PTPRB: variants seen among roughly 807,000 people sequenced by gnomAD.
PTPRB encodes the protein receptor-type tyrosine-protein phosphatase beta.
A neutral mutation model predicts 238.1 loss-of-function variants in PTPRB; 97 were observed. That is an observed-to-expected ratio of 0.41 (90% CI 0.35 to 0.48). The LOEUF is 0.48. Ranked by LOEUF, PTPRB falls within the 20% of genes least tolerant of loss-of-function variation. The pLI, the probability that PTPRB is intolerant of heterozygous loss-of-function variation, is 0.30. For synonymous variants in PTPRB, 970 were observed against 995.4 expected, an observed-to-expected ratio of 0.97 and a Z score of 0.48; for missense variants, 2,292 against 2,681.9, an observed-to-expected ratio of 0.85 and a Z score of 3.21.
chr12:70,560,727 C>T lies in PTPRB; in HGVS notation c.4376G>A (p.Trp1459Ter). 1.2e-6 allele frequency: 2 copies of T among 1,613,960 alleles called. No individual in the cohort carries two copies. The highest frequency in any genetic ancestry group is 1.7e-6 in the Non-Finnish European group (2 of 1,179,894). ...GAGATCTCCACTGTGAGTTACCACC[C>T]ACAGCACGTACTTCCTTCCAGGAAC... is the stretch of plus-strand genomic sequence containing the variant. ...GLVPGRKYVL[W>*]VVTHSGDLSN... Residue 1459 changes from tryptophan (W) to a stop codon, truncating the protein, a stop_gained, in exon 17 of 34, where the codon TGG becomes TAG. Transcript: ENST00000334414. LOFTEE classifies it high-confidence loss of function. The surrounding 1 kb of genome is among the most constrained non-coding windows in gnomAD (Gnocchi z 4.2).
intron 3 of PTPRB, among the ~76,000 whole-genome samples, chr12:70,616,889 G>A (rs1329221391): frequency 1.3e-5 from 2 of 152,150 alleles, no homozygotes; most frequent in Admixed American, 6.5e-5. Flanking sequence ...GGGGTGGATT[G>A]ACTCCAGGAC....
At chr12:70,582,849 A>G (rs920777851) in intron 9 of PTPRB, among the ~76,000 whole-genome samples, 2 of 151,954 alleles carry the variant, frequency 1.3e-5, no homozygotes, top group African/African-American at 4.8e-5. Flanking sequence ...CCAAGGACAA[A>G]CAAACAATCC....
chr12:70,563,446 T>A (rs866964737), intron 15 of PTPRB, among the ~76,000 whole-genome samples: 9 of 152,270 alleles, frequency 5.9e-5, no homozygotes, highest in Middle Eastern at 3.4e-3. Flanking sequence ...GAGTTCTCTT[T>A]CCTCCACCCC....
chr12:70,601,367 T>C (rs1402809281), intron 4 of PTPRB, among the ~76,000 whole-genome samples: 1 of 152,172 alleles, frequency 6.6e-6, no homozygotes, highest in East Asian at 1.9e-4. Context: ...GCCCCATCTG[T>C]CATCTTCATT....
At position 70,596,118 on chromosome 12, in the gene PTPRB, A is replaced by G. The variant is rs1471937994; in HGVS notation, c.1189T>C (p.Tyr397His). The G allele has an allele frequency of 6.2e-7, 1 of 1,613,498 alleles. No individual in the cohort carries two copies. The highest frequency in any genetic ancestry group is 8.5e-7 in the Non-Finnish European group (1 of 1,179,522). The change falls in exon 5 of 34, where the codon TAC becomes CAC. Residue 397 changes from tyrosine to histidine, a missense_variant. Physicochemically the swap from Tyr to His is moderately conservative, Grantham distance 83. Around this residue, in one of 4 missense-constraint regions of PTPRB, gnomAD observed 1,205 missense variants for 1,287.8 expected, o/e 0.94. Coordinates refer to ENST00000334414, the MANE Select transcript of PTPRB (RefSeq NM_001109754.4). ...GAAACAGCTGTGATGGCAATATTGTATTTACTACCAGCAGTGAGATTGAAA... is the reference window on the plus strand; with the variant it reads ...GAAACAGCTGTGATGGCAATATTGTGTTTACTACCAGCAGTGAGATTGAAA... ...TFFNLTAGSKYNIAITAVSGG... is the reference protein window; with the variant it reads ...TFFNLTAGSKHNIAITAVSGG...
Position 70,594,688 on chromosome 12 carries a change from T to C in PTPRB, c.1295A>G (p.Lys432Arg). ...CCAGGAAATCAGGAGAGAATTGGCTTTTGTGGAAATACCAATATCTTTCAC... is the reference window on the plus strand; with the variant it reads ...CCAGGAAATCAGGAGAGAATTGGCTCTTGTGGAAATACCAATATCTTTCAC... The part of the protein sequence containing the change: ...SPVKDIGIST[K>R]ANSLLISWSH... The change falls in exon 6 of 34, where the codon AAA becomes AGA. Residue 432 changes from lysine to arginine, a missense_variant. Around this residue, in one of 4 missense-constraint regions of PTPRB, gnomAD observed 1,205 missense variants for 1,287.8 expected, o/e 0.94. Coordinates refer to ENST00000334414, the MANE Select transcript of PTPRB (RefSeq NM_001109754.4). The C allele has an allele frequency of 6.2e-7, 1 of 1,613,998 alleles. No individual in the cohort carries two copies. Among genetic ancestry groups the C allele is most frequent in the East Asian group, 2.2e-5 (1 of 44,886 alleles).
intron 4 of PTPRB, among the ~76,000 whole-genome samples, chr12:70,598,706 C>T (rs1178414951): frequency 6.6e-6 from 1 of 152,164 alleles, no homozygotes; most frequent in Non-Finnish European, 1.5e-5. Flanking sequence ...AGAGGGACAG[C>T]TGCTTCCAGT....
In PTPRB at chr12:70,609,618, G is replaced by T. The variant is rs373219385; in HGVS notation, c.709-279C>A. 8.3e-4 allele frequency: 776 copies of T among 929,572 alleles called. 14 individuals are homozygous for T. In the South Asian group the frequency reaches 0.011, roughly 14 times the overall value. The allele number at this position is 929,572 out of a possible 1,614,324, so 57.6% of individuals were successfully genotyped here. On this transcript the variant is annotated intron_variant, in intron 3 of 33. Transcript: ENST00000334414. Reference sequence around the variant, plus strand: ...ATTCTGGGTTGGGGGGCTCACCAGAGGATCATTCTTCCCAAGGCAGAAGAA... The same window carrying T: ...ATTCTGGGTTGGGGGGCTCACCAGATGATCATTCTTCCCAAGGCAGAAGAA...
intron 26 of PTPRB, 159 bp downstream of exon 26, chr12:70,539,466 A>T: frequency 1.6e-6 from 1 of 638,018 alleles, no homozygotes; most frequent in East Asian, 2.7e-5. Context: ...GGTATATTCT[A>T]TTCAGGGCAT....
chr12:70,524,289 G>GT (rs1303550998), intron 33 of PTPRB, among the ~76,000 whole-genome samples, 182 bp downstream of exon 33: 1 of 146,678 alleles, frequency 6.8e-6, no homozygotes, highest in Non-Finnish European at 1.5e-5. Context: ...TTTTTTTTTA[G>GT]TTTTTTGTAG....
chr12:70,524,031 G>A (rs886192407), intron 33 of PTPRB, among the ~76,000 whole-genome samples: 20 of 151,874 alleles, frequency 1.3e-4, no homozygotes, highest in African/African-American at 4.6e-4. Context: ...GGCTGGTCTC[G>A]AGGTGATCTG....
At position 70,560,737 on chromosome 12, in the gene PTPRB, ACTTC is replaced by A; in HGVS notation, c.4362_4365del (p.Arg1454SerfsTer7). On this transcript the variant is annotated frameshift_variant, in exon 17 of 34. Transcript: ENST00000334414. LOFTEE classifies it high-confidence loss of function. This position sits in a 1 kb window ranked among gnomAD's most constrained non-coding sequence, Gnocchi z 4.2. ...CTGTGAGTTACCACCCACAGCACGT[ACTTC>A]CTTCCAGGAACAAGGCCTTGAAACC... 6.2e-7 allele frequency: 1 copy of A among 1,613,884 alleles called. No homozygotes were observed. The highest frequency in any genetic ancestry group is 8.5e-7 in the Non-Finnish European group (1 of 1,179,862).
chr12:70,636,091 C>T (rs1370210256), intron 1 of PTPRB, 25 bp from the exon 2 acceptor site: 4 of 1,552,598 alleles, frequency 2.6e-6, no homozygotes, highest in Non-Finnish European at 3.5e-6. Flanking sequence ...GCTCATAAAG[C>T]ACTATGTAGC....
At chr12:70,550,686 G>C (rs768600191) in intron 21 of PTPRB, among the ~76,000 whole-genome samples, 1 of 152,078 alleles carries the variant, frequency 6.6e-6, no homozygotes, top group Non-Finnish European at 1.5e-5. Context: ...AGATTGGTGG[G>C]CTCTGGTCCA....
chr12:70,516,524 G>T lies in PTPRB; in HGVS notation c.*4965C>A, dbSNP rs1348388780. The T allele has an allele frequency of 2.0e-5, 3 of 152,178 alleles. No homozygotes were observed. The highest frequency in any genetic ancestry group is 4.4e-5 in the Non-Finnish European group (3 of 68,018). The allele number at this position is 152,178 out of a possible 1,614,324, so 9.4% of individuals were successfully genotyped here. ...CCTACTAACCTGCAGATGGAATGCT[G>T]TCCAACTCTGCCACAAACTCTTAAA... On this transcript the variant is annotated 3_prime_UTR_variant, in exon 34 of 34. Coordinates refer to ENST00000334414, the MANE Select transcript of PTPRB (RefSeq NM_001109754.4).
At position 70,534,815 on chromosome 12, in the gene PTPRB, T is replaced by TCAAG; in HGVS notation, c.6204+14_6204+17dup. ...CATCTCCCCAAGCTCGGTTGTTAAG[T>TCAAG]CAAGCAAGCTAACATACACCGCATA... On this transcript the variant is annotated intron_variant, in intron 30 of 33. Transcript: ENST00000334414. 1 of 1,610,028 alleles carries TCAAG rather than the reference T, an allele frequency of 6.2e-7. No individual in the cohort carries two copies. Among genetic ancestry groups the TCAAG allele is most frequent in the Non-Finnish European group, 8.5e-7 (1 of 1,179,044 alleles).
Position 70,555,277 on chromosome 12 carries a change from T to G in PTPRB, c.5026A>C (p.Asn1676His). 6.2e-7 allele frequency: 1 copy of G among 1,613,176 alleles called. No individual in the cohort carries two copies. Among genetic ancestry groups the G allele is most frequent in the Non-Finnish European group, 8.5e-7 (1 of 1,179,712 alleles). The change falls in exon 20 of 34, where the codon AAT becomes CAT. Residue 1676 changes from asparagine (N) to histidine (H), a missense_variant. Physicochemically the swap from Asn to His is moderately conservative, Grantham distance 68. Coordinates refer to ENST00000334414, the MANE Select transcript of PTPRB (RefSeq NM_001109754.4). ...TTGCTAATTAGCACATCCTTTTCAT[T>G]CACACGAATGTGTGGGGGTGGAGGA... ...PPPPPPHIRVNEKDVLISKSS... is the reference protein window; with the variant it reads ...PPPPPPHIRVHEKDVLISKSS...
rs754292502 is a variant in PTPRB at position 70,635,723 on chromosome 12, T to A, written c.399A>T (p.Ile133=). ...ARKYLHSWMK[I]DVNKEGKLVN... ...CCAGTTTTCCCTCCTTGTTGACATC[T>A]ATTTTCATCCAGCTATGGAGGTATT... The change falls in exon 2 of 34, where the codon ATA becomes ATT. Residue 133 remains isoleucine, a synonymous_variant. Coordinates refer to ENST00000334414, the MANE Select transcript of PTPRB (RefSeq NM_001109754.4). The A allele has an allele frequency of 1.9e-6, 3 of 1,614,006 alleles. No homozygotes were observed. The highest frequency in any genetic ancestry group is 2.5e-6 in the Non-Finnish European group (3 of 1,179,890).
intron 2 of PTPRB, among the ~76,000 whole-genome samples, chr12:70,627,103 TCAA>T (rs753560424): frequency 1.1e-4 from 17 of 152,162 alleles, no homozygotes; most frequent in Non-Finnish European, 2.1e-4. Context: ...CAACTATTAC[TCAA>T]CGATTCTACT....
Sources: gnomAD v4.1 joint callset for allele counts (sites outside exome capture counted in the v4.1 genomes callset) on GRCh38, gnomAD v4.1.1 for gene constraint, gnomAD v4.1.1 regional missense constraint, Gnocchi (gnomAD v3.1) non-coding constraint, MANE v1.5 for transcripts, NCBI Gene and HGNC (gene_info 2026-07-23, HGNC 2026-07-21) for gene names.